The following GAS2 variants were observed in gnomAD, a reference collection of about 807,000 sequenced individuals.
GAS2 encodes the protein growth arrest specific 2, also known as growth arrest-specific protein 2.
A neutral mutation model predicts 37.5 loss-of-function variants in GAS2; 20 were observed. The observed-to-expected ratio is 0.53, with a 90% confidence interval of 0.37 to 0.77. The LOEUF (loss-of-function observed/expected upper bound fraction) is 0.77. Ranked by LOEUF, GAS2 falls within the 30% of genes least tolerant of loss-of-function variation. The pLI is 0.00. For missense variants in GAS2, 336 were observed against 373.4 expected (o/e 0.90, Z 0.82); for synonymous variants, 144 against 132.2 (o/e 1.09, Z -0.61).
intron 7 of GAS2, among the ~76,000 whole-genome samples, chr11:22,793,044 T>C (rs1856246735): frequency 6.6e-6 from 1 of 152,132 alleles, no homozygotes; most frequent in African/African-American, 2.4e-5. Context: ...GAGGCCAAGG[T>C]GGGTGGATCA....
intron 7 of GAS2, among the ~76,000 whole-genome samples, chr11:22,773,866 C>G (rs960971441): frequency 6.6e-6 from 1 of 152,156 alleles, no homozygotes. Context: ...CATTTAGATT[C>G]CAGCAATTTT....
chr11:22,744,150 G>C (rs1853246216), intron 5 of GAS2, among the ~76,000 whole-genome samples: 1 of 151,860 alleles, frequency 6.6e-6, no homozygotes, highest in African/African-American at 2.4e-5. Context: ...GTAGTAAAAA[G>C]CCTACCACCA....
At chr11:22,660,718 A>T (rs950481034) in intron 1 of GAS2, among the ~76,000 whole-genome samples, 2 of 152,204 alleles carry the variant, frequency 1.3e-5, no homozygotes, top group African/African-American at 4.8e-5. Flanking sequence ...TGTGGGGATG[A>T]TGGCTGGCGA....
intron 1 of GAS2, among the ~76,000 whole-genome samples, chr11:22,631,310 G>T (rs1239267146): frequency 6.6e-6 from 1 of 151,948 alleles, no homozygotes; most frequent in African/African-American, 2.4e-5. Flanking sequence ...TCCAATTTGG[G>T]TACCCTTTAT....
chr11:22,700,271 A>C (rs760806510), intron 3 of GAS2, among the ~76,000 whole-genome samples: 2 of 152,164 alleles, frequency 1.3e-5, no homozygotes, highest in Non-Finnish European at 2.9e-5. Flanking sequence ...CCCAAGATGG[A>C]TATTTACCTT....
At chr11:22,673,766 C>T (rs1003661834) in intron 1 of GAS2, among the ~76,000 whole-genome samples, 1 of 152,016 alleles carries the variant, frequency 6.6e-6, no homozygotes, top group East Asian at 1.9e-4. Flanking sequence ...AACAAACAAA[C>T]AAAAATGCCA....
chr11:22,810,801 C>T (rs867309706), intron 7 of GAS2, among the ~76,000 whole-genome samples: 40 of 26,282 alleles, frequency 1.5e-3, no homozygotes, highest in African/African-American at 1.8e-3. Context: ...CTCCCACTGG[C>T]TGGGAGTCAA....
At chr11:22,762,313 C>G (rs906747645) in intron 7 of GAS2, among the ~76,000 whole-genome samples, 1 of 152,102 alleles carries the variant, frequency 6.6e-6, no homozygotes, top group African/African-American at 2.4e-5. Context: ...AGGCATTTTA[C>G]CAGCTGCTTT....
intron 5 of GAS2, among the ~76,000 whole-genome samples, chr11:22,740,184 G>A (rs1449380492): frequency 6.6e-6 from 1 of 152,030 alleles, no homozygotes; most frequent in African/African-American, 2.4e-5. Context: ...AATTATAATG[G>A]CCTTGTCATT....
At chr11:22,727,327 A>G (rs576757029) in intron 4 of GAS2, among the ~76,000 whole-genome samples, 169 of 152,176 alleles carry the variant, frequency 1.1e-3, no homozygotes, top group African/African-American at 3.9e-3. Flanking sequence ...AGGTCATATA[A>G]TAACAAATAT....
At chr11:22,711,544 G>T (rs1238429623) in intron 3 of GAS2, among the ~76,000 whole-genome samples, 1 of 152,246 alleles carries the variant, frequency 6.6e-6, no homozygotes, top group East Asian at 1.9e-4. Flanking sequence ...CAGATGGTGT[G>T]GGTAGGCAGG....
chr11:22,797,585 T>C (rs935324563), intron 7 of GAS2, among the ~76,000 whole-genome samples: 13 of 152,078 alleles, frequency 8.5e-5, no homozygotes, highest in African/African-American at 2.9e-4. Flanking sequence ...AGAAGACTAG[T>C]GCACTGTGTG....
intron 1 of GAS2, among the ~76,000 whole-genome samples, chr11:22,652,487 A>C (rs1412186647): frequency 2.0e-5 from 3 of 152,240 alleles, no homozygotes; most frequent in African/African-American, 7.2e-5. Context: ...TACCTAAGCA[A>C]GCCTGGGCAA....
At chr11:22,706,606 T>C (rs2134056350) in intron 3 of GAS2, among the ~76,000 whole-genome samples, 2 of 152,248 alleles carry the variant, frequency 1.3e-5, no homozygotes, top group Admixed American at 1.3e-4. Flanking sequence ...GTCCTTGCGA[T>C]AGTTTACTGA....
intron 2 of GAS2, among the ~76,000 whole-genome samples, chr11:22,676,529 C>CT (rs1849437094): frequency 6.6e-6 from 1 of 152,142 alleles, no homozygotes; most frequent in Admixed American, 6.5e-5. Context: ...ACTTACCTCT[C>CT]TTGTCCCTCA....
chr11:22,685,817 C>T (rs544804062), intron 3 of GAS2, 28 bp downstream of exon 3: 1 of 1,590,088 alleles, frequency 6.3e-7, no homozygotes, highest in African/African-American at 1.4e-5. Context: ...AAAAATCACT[C>T]TTAGGTGGTA....
intron 1 of GAS2, among the ~76,000 whole-genome samples, chr11:22,632,655 C>CT (rs1404196370): frequency 2.0e-5 from 3 of 152,014 alleles, no homozygotes; most frequent in African/African-American, 7.2e-5. Flanking sequence ...GTTTTCAAAA[C>CT]TTTTTGCTTT....
At chr11:22,721,168 C>T (rs191801068) in intron 3 of GAS2, among the ~76,000 whole-genome samples, 1 of 151,968 alleles carries the variant, frequency 6.6e-6, no homozygotes, top group Admixed American at 6.6e-5. Flanking sequence ...CGTTGTGTAC[C>T]TAGAGCACTG....
intron 1 of GAS2, among the ~76,000 whole-genome samples, chr11:22,643,913 C>T (rs1848659294): frequency 6.6e-6 from 1 of 152,012 alleles, no homozygotes; most frequent in African/African-American, 2.4e-5. Context: ...ATCTCCAAAA[C>T]TTTTATGTGA....
Sources: allele counts gnomAD v4.1 joint callset (sites outside exome capture counted in the v4.1 genomes callset), GRCh38; gene constraint gnomAD v4.1.1; transcripts MANE v1.5; gene names NCBI Gene and HGNC (gene_info 2026-07-23, HGNC 2026-07-21).